Variants in HS3ST5 observed in about 807,000 individuals in gnomAD.
The protein encoded by HS3ST5 is heparan sulfate glucosamine 3-O-sulfotransferase 5.
In HS3ST5, 10 loss-of-function variants were observed where a neutral mutation model predicts 25.4. The observed-to-expected ratio is 0.39, with a 90% confidence interval of 0.24 to 0.67. HS3ST5 has a LOEUF of 0.67. HS3ST5 is among the 30% of genes least tolerant of loss of function. The pLI, the probability that HS3ST5 is intolerant of heterozygous loss-of-function variation, is 0.44. For missense variants in HS3ST5, 324 were observed against 420.7 expected (o/e 0.77, Z 2.01); for synonymous variants, 170 against 162.4 (o/e 1.05, Z -0.36).
intron 3 of HS3ST5, among the ~76,000 whole-genome samples, chr6:114,148,266 T>C (rs1778266410): frequency 6.6e-6 from 1 of 152,128 alleles, no homozygotes; most frequent in African/African-American, 2.4e-5. Flanking sequence ...TCCTTACACC[T>C]TATACAAAAA....
intron 1 of HS3ST5, among the ~76,000 whole-genome samples, chr6:114,288,035 A>T (rs138772447): frequency 3.8e-4 from 58 of 152,226 alleles, no homozygotes; most frequent in African/African-American, 1.3e-3. Context: ...TAAAAGTGTA[A>T]AGAAATGAGT....
intron 1 of HS3ST5, among the ~76,000 whole-genome samples, chr6:114,310,532 T>C (rs887809866): frequency 2.0e-5 from 3 of 152,184 alleles, no homozygotes; most frequent in East Asian, 3.9e-4. Flanking sequence ...AATAGCTTTT[T>C]TTTTTTCCTG....
At chr6:114,255,014 C>T (rs1269241309) in intron 1 of HS3ST5, among the ~76,000 whole-genome samples, 2 of 152,164 alleles carry the variant, frequency 1.3e-5, no homozygotes, top group Non-Finnish European at 2.9e-5. Flanking sequence ...CTCATTTCAG[C>T]ATTGACTCAA....
At chr6:114,300,544 A>G (rs980767880) in intron 1 of HS3ST5, among the ~76,000 whole-genome samples, 1 of 152,190 alleles carries the variant, frequency 6.6e-6, no homozygotes, top group African/African-American at 2.4e-5. Flanking sequence ...ACCCTCATAC[A>G]TTGCTGGTGG....
chr6:114,198,496 G>C (rs1780865594), intron 2 of HS3ST5, among the ~76,000 whole-genome samples: 1 of 152,148 alleles, frequency 6.6e-6, no homozygotes, highest in African/African-American at 2.4e-5. Context: ...GAATTTCCAA[G>C]ATCAACCCAA....
intron 2 of HS3ST5, among the ~76,000 whole-genome samples, chr6:114,216,728 TAAAAAAAAAA>T (rs760077446): frequency 2.2e-5 from 2 of 90,160 alleles, no homozygotes; most frequent in South Asian, 5.3e-4. Flanking sequence ...TCGTCCTCCT[TAAAAAAAAAA>T]AAAAAAAAAA....
chr6:114,290,908 T>C (rs539849628), intron 1 of HS3ST5, among the ~76,000 whole-genome samples: 68 of 152,160 alleles, frequency 4.5e-4, no homozygotes, highest in African/African-American at 1.6e-3. Flanking sequence ...AAACAATCTA[T>C]TATTTAATTT....
rs577921974 is a variant in HS3ST5, at chr6:114,262,266, G to A, written c.-338-33488C>T. On this transcript the variant is annotated intron_variant, in intron 1 of 4. Transcript: ENST00000312719. ...ACATCTTATAAAAATATTTCATAGC[G>A]GCTGGGCGCGGTGGCTCACGCCTGC... 4.6e-5 allele frequency among the ~76,000 whole-genome samples: 7 copies of A among 152,186 alleles called. No homozygotes were observed. The East Asian group carries it at 1.3e-3, about 29-fold the overall frequency.
chr6:114,224,699 T>TATATATATACACAC (rs1554220245), intron 2 of HS3ST5, among the ~76,000 whole-genome samples: 1 of 144,334 alleles, frequency 6.9e-6, no homozygotes, highest in Non-Finnish European at 1.5e-5. Context: ...TATATATATA[T>TATATATATACACAC]ACACACACAC....
intron 3 of HS3ST5, among the ~76,000 whole-genome samples, chr6:114,126,375 T>C (rs951299212): frequency 6.6e-6 from 1 of 152,130 alleles, no homozygotes; most frequent in Non-Finnish European, 1.5e-5. Flanking sequence ...CAACCTTTCA[T>C]CTCCCCTGTT....
chr6:114,260,190 A>G (rs949260508), intron 1 of HS3ST5, among the ~76,000 whole-genome samples: 2 of 152,122 alleles, frequency 1.3e-5, no homozygotes, highest in Admixed American at 6.6e-5. Context: ...ATTGAGTATT[A>G]TTTGGTCATA....
intron 3 of HS3ST5, among the ~76,000 whole-genome samples, chr6:114,087,787 G>A (rs1342966062): frequency 6.6e-6 from 1 of 152,096 alleles, no homozygotes; most frequent in Non-Finnish European, 1.5e-5. Context: ...GATTTCAACA[G>A]GTTCATCTCT....
intron 2 of HS3ST5, among the ~76,000 whole-genome samples, chr6:114,185,101 G>C (rs1384415507): frequency 2.0e-5 from 3 of 152,138 alleles, no homozygotes; most frequent in Non-Finnish European, 4.4e-5. Flanking sequence ...GTTGAAGCTG[G>C]AAAAAGTTAA....
intron 3 of HS3ST5, among the ~76,000 whole-genome samples, chr6:114,091,788 T>C (rs1317091866): frequency 6.6e-6 from 1 of 152,268 alleles, no homozygotes; most frequent in African/African-American, 2.4e-5. Context: ...GCATGTTTCC[T>C]GAATTACCTG....
chr6:114,103,706 T>C (rs921181343), intron 3 of HS3ST5, among the ~76,000 whole-genome samples: 34 of 146,742 alleles, frequency 2.3e-4, no homozygotes, highest in East Asian at 9.8e-4. Flanking sequence ...TCTTCTTCTT[T>C]TTTTTTTTTT....
chr6:114,250,597 AT>A (rs1162503602), intron 1 of HS3ST5, among the ~76,000 whole-genome samples: 11 of 146,688 alleles, frequency 7.5e-5, no homozygotes, highest in African/African-American at 2.5e-5. Flanking sequence ...AAAAAAAAAA[AT>A]TTATCAGAGA....
intron 3 of HS3ST5, among the ~76,000 whole-genome samples, chr6:114,100,414 T>A (rs535017159): frequency 3.3e-5 from 5 of 152,266 alleles, no homozygotes; most frequent in Admixed American, 2.6e-4. Flanking sequence ...TGGCTAGCAG[T>A]ATTTCCCCAG....
chr6:114,106,012 G>C (rs917317144), intron 3 of HS3ST5, among the ~76,000 whole-genome samples: 4 of 152,086 alleles, frequency 2.6e-5, no homozygotes, highest in African/African-American at 9.7e-5. Flanking sequence ...TTCGATTTGG[G>C]CTCAACAAAT....
chr6:114,145,382 T>A (rs1016015240), intron 3 of HS3ST5, among the ~76,000 whole-genome samples: 2 of 152,290 alleles, frequency 1.3e-5, no homozygotes, highest in Non-Finnish European at 2.9e-5. Context: ...TCATCTCAGG[T>A]ATTATTTGCA....
Sources: allele counts gnomAD v4.1 joint callset (sites outside exome capture counted in the v4.1 genomes callset), GRCh38; gene constraint gnomAD v4.1.1; transcripts MANE v1.5; gene names NCBI Gene and HGNC (gene_info 2026-07-23, HGNC 2026-07-21).